ARHGEF10L: variants seen among roughly 807,000 people sequenced by gnomAD.
The protein encoded by ARHGEF10L is Rho guanine nucleotide exchange factor 10 like.
A neutral mutation model predicts 141.2 loss-of-function variants in ARHGEF10L; 69 were observed. That is an observed-to-expected ratio of 0.49 (90% CI 0.40 to 0.60). ARHGEF10L has a LOEUF of 0.60. Among genes scored for constraint, ARHGEF10L ranks in the 20% least tolerant of loss-of-function variants. The pLI is 0.00. For missense variants in ARHGEF10L, 1,482 were observed against 1,734.3 expected, an observed-to-expected ratio of 0.85 and a Z score of 2.58; for synonymous variants, 711 against 718.5, an observed-to-expected ratio of 0.99 and a Z score of 0.17.
intron 26 of ARHGEF10L, among the ~76,000 whole-genome samples, chr1:17,678,895 A>G (rs1282320997): frequency 6.6e-6 from 1 of 152,184 alleles, no homozygotes; most frequent in Non-Finnish European, 1.5e-5. Context: ...AGGAATTGTT[A>G]ACTTTTTCGG....
chr1:17,682,363 A>G (rs2064190927), intron 26 of ARHGEF10L, among the ~76,000 whole-genome samples: 1 of 152,168 alleles, frequency 6.6e-6, no homozygotes, highest in African/African-American at 2.4e-5. Flanking sequence ...ACATCAGTGT[A>G]TCTCAGTCCC....
chr1:17,513,624 T>C, the ARHGEF10L span, among the ~76,000 whole-genome samples: 3 of 152,148 alleles, frequency 2.0e-5, no homozygotes, highest in South Asian at 6.2e-4. Flanking sequence ...GCCATAGAGC[T>C]GCATTAAGCA....
At chr1:17,640,069 G>A (rs1039623546) in intron 20 of ARHGEF10L, 133 bp from the exon 21 acceptor site, 29 of 1,479,836 alleles carry the variant, frequency 2.0e-5, no homozygotes, top group Admixed American at 6.9e-5. Flanking sequence ...CTTTGGCCAC[G>A]TTTTGGGGAT....
intron 21 of ARHGEF10L, among the ~76,000 whole-genome samples, chr1:17,647,263 C>T (rs1478002691): frequency 2.6e-5 from 4 of 152,188 alleles, no homozygotes; most frequent in Admixed American, 2.0e-4. Context: ...GGCCTGGCCA[C>T]GTTACTAAAT....
intron 2 of ARHGEF10L, among the ~76,000 whole-genome samples, chr1:17,581,538 T>C (rs928348949): frequency 6.6e-6 from 1 of 152,092 alleles, no homozygotes; most frequent in Non-Finnish European, 1.5e-5. Context: ...TGTATCACTA[T>C]GAGAGAGGCA....
intron 16 of ARHGEF10L, among the ~76,000 whole-genome samples, chr1:17,632,803 T>G (rs1356260307): frequency 6.6e-6 from 1 of 152,178 alleles, no homozygotes; most frequent in Non-Finnish European, 1.5e-5. Flanking sequence ...CCCAGATCCC[T>G]GCGGCTTTAA....
intron 22 of ARHGEF10L, among the ~76,000 whole-genome samples, chr1:17,652,420 G>T (rs529862693): frequency 6.6e-6 from 1 of 152,138 alleles, no homozygotes; most frequent in Non-Finnish European, 1.5e-5. Flanking sequence ...TCAGCTCATG[G>T]TATCTTAAAC....
In ARHGEF10L at chr1:17,621,796, C is replaced by A; in HGVS notation, c.943-68C>A. On this transcript the variant is annotated intron_variant, in intron 10 of 28. Coordinates refer to ENST00000361221, the MANE Select transcript of ARHGEF10L (RefSeq NM_018125.4). The surrounding 1 kb of genome is among the most constrained non-coding windows in gnomAD (Gnocchi z 4.1). ...TCTCTGTCCTATAGTTGTCAGCTCC[C>A]CTTCCTGTCACTTGGGCCCTGTGCA... 8.8e-7 allele frequency: 1 copy of A among 1,135,266 alleles called. No individual in the cohort carries two copies. The highest frequency in any genetic ancestry group is 1.4e-5 in the South Asian group (1 of 71,068). The allele number at this position is 1,135,266 out of a possible 1,614,324, so 70.3% of individuals were successfully genotyped here.
At chr1:17,642,022 C>T (rs2061356818) in intron 21 of ARHGEF10L, among the ~76,000 whole-genome samples, 1 of 150,844 alleles carries the variant, frequency 6.6e-6, no homozygotes, top group Admixed American at 6.6e-5. Context: ...GAAGTTAGGA[C>T]CTATGTCACT....
chr1:17,638,787 C>T lies in ARHGEF10L; in HGVS notation c.2171+98C>T, dbSNP rs943533882. 2.9e-5 allele frequency: 44 copies of T among 1,539,096 alleles called. No homozygotes were observed. The African/African-American group carries it at 3.3e-4, about 11-fold the overall frequency. ...GGGTACCTGGAGCCCTCTTATTTGT[C>T]GAGATGCCATGGTGGGAGTGGATAT... is the stretch of plus-strand genomic sequence containing the variant. On this transcript the variant is annotated intron_variant, in intron 20 of 28. Coordinates refer to ENST00000361221, the MANE Select transcript of ARHGEF10L (RefSeq NM_018125.4).
chr1:17,621,861 C>T lies in ARHGEF10L; in HGVS notation c.943-3C>T. ...CGCTGACCGTGCTTTTTGGCCCGAG[C>T]AGGTGGTCCGGAGGCATATCCTGGG... On this transcript the variant is annotated splice_region_variant and splice_polypyrimidine_tract_variant and intron_variant, in intron 10 of 28. Transcript: ENST00000361221. This position sits in a 1 kb window ranked among gnomAD's most constrained non-coding sequence, Gnocchi z 4.1. 1 of 1,614,098 alleles carries T rather than the reference C, an allele frequency of 6.2e-7. No individual in the cohort carries two copies. Among genetic ancestry groups the T allele is most frequent in the East Asian group, 2.2e-5 (1 of 44,862 alleles).
At chr1:17,655,846 C>T (rs1218639606) in intron 23 of ARHGEF10L, 33 bp from the exon 24 acceptor site, 1 of 1,542,050 alleles carries the variant, frequency 6.5e-7, no homozygotes, top group Non-Finnish European at 8.8e-7. Flanking sequence ...CTGTGGTTCC[C>T]ACCTGATGGC....
rs115564033 is a variant in ARHGEF10L, at chr1:17,623,494, C to T, written c.1200+319C>T. Among the ~76,000 whole-genome samples the T allele has an allele frequency of 3.2e-3, 493 of 152,276 alleles. 4 individuals are homozygous for T. The highest frequency in any genetic ancestry group is 0.011 in the African/African-American group (455 of 41,554). On this transcript the variant is annotated intron_variant, in intron 12 of 28. Coordinates refer to ENST00000361221, the MANE Select transcript of ARHGEF10L (RefSeq NM_018125.4). This position sits in a 1 kb window ranked among gnomAD's most constrained non-coding sequence, Gnocchi z 4.7. ...CCTGGCCGGTCACAAGCTCTCTTACCGAGCACTTGAGGGGTTTCAAGCCAG... is the reference window on the plus strand; with the variant it reads ...CCTGGCCGGTCACAAGCTCTCTTACTGAGCACTTGAGGGGTTTCAAGCCAG...
the ARHGEF10L span, among the ~76,000 whole-genome samples, chr1:17,534,312 C>T: frequency 6.6e-6 from 1 of 152,100 alleles, no homozygotes; most frequent in East Asian, 1.9e-4. Flanking sequence ...TTAGTAGAGA[C>T]GGGGTTTCAC....
chr1:17,656,726 TG>T lies in ARHGEF10L; in HGVS notation c.2860+23del. The stretch of plus-strand genomic sequence containing the variant: ...GACCAGCGGTGAGGACTGGGGGGAA[TG>T]GGGGAAGGGGGGCAGTCCTGGATGC... On this transcript the variant is annotated intron_variant, in intron 25 of 28. Transcript: ENST00000361221. The surrounding 1 kb of genome is among the most constrained non-coding windows in gnomAD (Gnocchi z 4.9). 2 of 1,602,984 alleles carry T rather than the reference TG, an allele frequency of 1.2e-6. No individual in the cohort carries two copies. Among genetic ancestry groups the T allele is most frequent in the South Asian group, 1.1e-5 (1 of 89,974 alleles).
intron 28 of ARHGEF10L, among the ~76,000 whole-genome samples, chr1:17,696,138 G>A (rs1373042261): frequency 6.6e-6 from 1 of 151,810 alleles, no homozygotes; most frequent in Non-Finnish European, 1.5e-5. Flanking sequence ...TCTTGAACCC[G>A]GGAGGTGGAG....
chr1:17,610,233 C>T (rs116407971), intron 7 of ARHGEF10L, among the ~76,000 whole-genome samples: 3,428 of 152,220 alleles, frequency 0.023, 135 homozygotes, highest in African/African-American at 0.079. Context: ...GGGTGGGGCC[C>T]GGTAATCTGC....
chr1:17,683,888 C>T (rs1006174299), intron 26 of ARHGEF10L, among the ~76,000 whole-genome samples: 7 of 152,202 alleles, frequency 4.6e-5, no homozygotes, highest in African/African-American at 1.7e-4. Context: ...TGGTCCCAGG[C>T]CTCTGGGTTT....
intron 1 of ARHGEF10L, among the ~76,000 whole-genome samples, chr1:17,547,855 C>A (rs1032408997): frequency 6.6e-6 from 1 of 152,126 alleles, no homozygotes; most frequent in Non-Finnish European, 1.5e-5. Context: ...TTCAGTGATT[C>A]ATTTACTCAT....
Sources: gnomAD v4.1 joint callset for allele counts (sites outside exome capture counted in the v4.1 genomes callset) on GRCh38, gnomAD v4.1.1 for gene constraint, Gnocchi (gnomAD v3.1) non-coding constraint, MANE v1.5 for transcripts, NCBI Gene and HGNC (gene_info 2026-07-23, HGNC 2026-07-21) for gene names.